The following GTPBP1 variants were observed in gnomAD, a reference collection of about 807,000 sequenced individuals.
The protein encoded by GTPBP1 is GTP-binding protein 1.
Under a neutral mutation model 62.0 loss-of-function variants are expected in GTPBP1, and 23 were observed. The ratio of observed to expected loss-of-function variants is 0.37; its 90% CI spans 0.27 to 0.53. GTPBP1 has a LOEUF of 0.53. GTPBP1 is among the 20% of genes least tolerant of loss of function. GTPBP1 has a pLI of 0.89. For missense variants in GTPBP1, 640 were observed against 917.3 expected (o/e 0.70, Z 3.90); for synonymous variants, 344 against 364.4 (o/e 0.94, Z 0.64).
At position 38,722,997 on chromosome 22, in the gene GTPBP1, T is replaced by C. The variant is rs192122977; in HGVS notation, c.958+1132T>C. 3.2e-4 allele frequency: 270 copies of C among 832,358 alleles called. 1 individual carries two copies. In the East Asian group the frequency reaches 6.4e-3, roughly 20 times the overall value. The allele number at this position is 832,358 out of a possible 1,614,324, so 51.6% of individuals were successfully genotyped here. On this transcript the variant is annotated intron_variant, in intron 5 of 11. Coordinates refer to ENST00000216044, the MANE Select transcript of GTPBP1 (RefSeq NM_004286.5). ...ACCAGAACCTTCTAACAGCACACCG[T>C]AGTCTCAGGAAGTTTGCTCAAATCT...
downstream of GTPBP1, chr22:38,736,197 G>T (rs756800474): frequency 1.1e-5 from 16 of 1,423,860 alleles, no homozygotes; most frequent in South Asian, 4.7e-5. Flanking sequence ...CCGAGCAAGC[G>T]TGTGGGGGAA....
rs751872624 is a variant in GTPBP1, at chr22:38,716,700, G to A, written c.534G>A (p.Gly178=). The change falls in exon 4 of 12, where the codon GGG becomes GGA. Residue 178 remains glycine, a synonymous_variant. Coordinates refer to ENST00000216044, the MANE Select transcript of GTPBP1 (RefSeq NM_004286.5). The surrounding 1 kb of genome is among the most constrained non-coding windows in gnomAD (Gnocchi z 5.2). ...NVDAGKSTLL[G]VLTHGELDNG... is the part of the protein sequence containing the mutation. ...ATGCTGGCAAAAGCACGCTTCTGGGGGTCCTGACACATGGGGAGCTGGACA... is the reference window on the plus strand; with the variant it reads ...ATGCTGGCAAAAGCACGCTTCTGGGAGTCCTGACACATGGGGAGCTGGACA... 8 of 1,614,034 alleles carry A rather than the reference G, an allele frequency of 5.0e-6. No individual in the cohort carries two copies. The African/African-American group carries it at 9.3e-5, about 19-fold the overall frequency.
chr22:38,715,559 G>A (rs1172455550), intron 2 of GTPBP1, among the ~76,000 whole-genome samples: 1 of 152,146 alleles, frequency 6.6e-6, no homozygotes, highest in African/African-American at 2.4e-5. Context: ...GAGCTGTATT[G>A]CAATTAATTA....
intron 5 of GTPBP1, chr22:38,722,869 A>G: frequency 1.4e-6 from 2 of 1,433,478 alleles, no homozygotes; most frequent in Non-Finnish European, 2.0e-6. Flanking sequence ...GCCTTCACCA[A>G]GTGGAGGGTT....
intron 6 of GTPBP1, among the ~76,000 whole-genome samples, chr22:38,725,003 G>T (rs1307350274): frequency 6.6e-6 from 1 of 152,150 alleles, no homozygotes; most frequent in Non-Finnish European, 1.5e-5. Flanking sequence ...CAGCTCCTTG[G>T]TGAGAGATGC....
downstream of GTPBP1, chr22:38,740,215 G>A (rs1026881259): frequency 1.3e-5 from 19 of 1,483,900 alleles, no homozygotes; most frequent in Admixed American, 2.3e-5. The surrounding 1 kb of genome is among the most constrained non-coding windows in gnomAD (Gnocchi z 4.8). Flanking sequence ...AGGACACGTC[G>A]TCTCAAAGGA....
chr22:38,711,735 C>T (rs993145463), intron 2 of GTPBP1, among the ~76,000 whole-genome samples: 2 of 151,904 alleles, frequency 1.3e-5, no homozygotes, highest in African/African-American at 2.4e-5. Flanking sequence ...CCCAACTACT[C>T]AGGAGGCTGA....
downstream of GTPBP1, chr22:38,740,666 G>A: frequency 3.5e-6 from 2 of 572,440 alleles, no homozygotes; most frequent in South Asian, 4.8e-5. The surrounding 1 kb of genome is among the most constrained non-coding windows in gnomAD (Gnocchi z 4.8). Context: ...AGTCCAGAAT[G>A]TACTCTGCCT....
chr22:38,732,634 C>T lies in GTPBP1; in HGVS notation c.*1930C>T, dbSNP rs2092766956. ...AAAGGAAAGCTCTGGCTGGGACTGCCAGGAGTCTCACACGCTCCTGTTGAC... is the reference window on the plus strand; with the variant it reads ...AAAGGAAAGCTCTGGCTGGGACTGCTAGGAGTCTCACACGCTCCTGTTGAC... On this transcript the variant is annotated 3_prime_UTR_variant, in exon 12 of 12. Transcript: ENST00000216044. 6.6e-6 allele frequency: 1 copy of T among 152,274 alleles called. No individual in the cohort carries two copies. The highest frequency in any genetic ancestry group is 2.1e-4 in the South Asian group (1 of 4,840). 9.4% of individuals were successfully genotyped at this position (152,274 alleles called of 1,614,324 possible).
chr22:38,714,512 CA>C lies in GTPBP1; in HGVS notation c.305-1394del, dbSNP rs2092658377. 3.4e-5 allele frequency among the ~76,000 whole-genome samples: 5 copies of C among 149,096 alleles called. 1 individual carries two copies. The South Asian group carries it at 1.1e-3, about 32-fold the overall frequency. ...AAAAAAAAAAAAAGGCCACTGGTGGCATGTGACAACTGCGGTTTCTTCTGTA... is the reference window on the plus strand; with the variant it reads ...AAAAAAAAAAAAAGGCCACTGGTGGCTGTGACAACTGCGGTTTCTTCTGTA... On this transcript the variant is annotated intron_variant, in intron 2 of 11. Coordinates refer to ENST00000216044, the MANE Select transcript of GTPBP1 (RefSeq NM_004286.5).
downstream of GTPBP1, chr22:38,740,921 C>G: frequency 7.2e-7 from 1 of 1,384,798 alleles, no homozygotes; most frequent in Non-Finnish European, 1.0e-6. The surrounding 1 kb of genome is among the most constrained non-coding windows in gnomAD (Gnocchi z 4.8). Context: ...GAACTCTCTG[C>G]TCTGCGGCTC....
downstream of GTPBP1, chr22:38,737,733 G>A (rs1314462481): frequency 2.7e-6 from 1 of 370,312 alleles, no homozygotes; most frequent in South Asian, 2.0e-5. This position sits in a 1 kb window ranked among gnomAD's most constrained non-coding sequence, Gnocchi z 4.1. Flanking sequence ...ACTCTCCTGG[G>A]GTGGAGACTG....
intron 2 of GTPBP1, among the ~76,000 whole-genome samples, chr22:38,715,281 G>A (rs946338920): frequency 2.0e-5 from 3 of 152,186 alleles, no homozygotes; most frequent in Admixed American, 6.5e-5. Context: ...GCTGCTGTCC[G>A]TCTGTTGTGC....
At chr22:38,734,225 C>T (rs954435779), downstream of GTPBP1, 6 of 439,142 alleles carry the variant, frequency 1.4e-5, no homozygotes, top group African/African-American at 8.2e-5. Flanking sequence ...GAGAACCACG[C>T]GAACCAGGTC....
intron 2 of GTPBP1, among the ~76,000 whole-genome samples, chr22:38,714,038 G>C (rs367620235): frequency 1.6e-4 from 25 of 152,340 alleles, no homozygotes; most frequent in African/African-American, 5.8e-4. Flanking sequence ...AGACAAGAGC[G>C]GGGGACGGGG....
At chr22:38,735,426 G>T, downstream of GTPBP1, 1 of 340,678 alleles carries the variant, frequency 2.9e-6, no homozygotes, top group Non-Finnish European at 5.8e-6. Context: ...AGATGCTAAT[G>T]GCCCCAAAGA....
Position 38,721,787 on chromosome 22 carries a change from G to A in GTPBP1, c.880G>A (p.Gly294Ser). 1 of 1,612,958 alleles carries A rather than the reference G, an allele frequency of 6.2e-7. No homozygotes were observed. The highest frequency in any genetic ancestry group is 1.1e-5 in the South Asian group (1 of 91,030). ...GIVGMTKEHL[G>S]LALALNVPVF... ...CGTGGGGATGACCAAAGAACACCTGGGCTTGGCACTGGCACTCAATGTACC... is the reference window on the plus strand; with the variant it reads ...CGTGGGGATGACCAAAGAACACCTGAGCTTGGCACTGGCACTCAATGTACC... The change falls in exon 5 of 12, where the codon GGC (glycine) becomes AGC (serine). Residue 294 changes from glycine to serine, a missense_variant. Coordinates refer to ENST00000216044, the MANE Select transcript of GTPBP1 (RefSeq NM_004286.5).
chr22:38,734,959 C>T (rs1043441), downstream of GTPBP1: 71,291 of 269,228 alleles, frequency 0.26, 10,532 homozygotes, highest in East Asian at 0.45. Flanking sequence ...GCCCCTTCCC[C>T]GCAGCCAGAC....
In GTPBP1 at chr22:38,730,260, G is replaced by A. The variant is rs1331142855; in HGVS notation, c.1918-352G>A. Among the ~76,000 whole-genome samples the A allele has an allele frequency of 3.9e-5, 6 of 152,232 alleles. No individual in the cohort carries two copies. The highest frequency in any genetic ancestry group is 2.0e-4 in the Admixed American group (3 of 15,288). On this transcript the variant is annotated intron_variant, in intron 11 of 11. Coordinates refer to ENST00000216044, the MANE Select transcript of GTPBP1 (RefSeq NM_004286.5). This position sits in a 1 kb window ranked among gnomAD's most constrained non-coding sequence, Gnocchi z 5.6. ...GGAAAAGGAGGCTATGCCTGGATCT[G>A]TCTGTCCATTCTGTTATCTGTCTCC...
Sources: gnomAD v4.1 joint callset for allele counts (sites outside exome capture counted in the v4.1 genomes callset) on GRCh38, gnomAD v4.1.1 for gene constraint, Gnocchi (gnomAD v3.1) non-coding constraint, MANE v1.5 for transcripts, NCBI Gene and HGNC (gene_info 2026-07-23, HGNC 2026-07-21) for gene names.